The following ZFPM2 variants were observed in gnomAD, a reference collection of about 807,000 sequenced individuals.
ZFPM2 encodes the protein zinc finger protein, FOG family member 2.
Under a neutral mutation model 98.6 loss-of-function variants are expected in ZFPM2, and 20 were observed. The observed-to-expected ratio is 0.20, with a 90% CI of 0.14 to 0.29. The LOEUF (loss-of-function observed/expected upper bound fraction) is 0.29. Among genes scored for constraint, ZFPM2 ranks in the 10% least tolerant of loss-of-function variants. ZFPM2 has a pLI of 1.00. For missense variants in ZFPM2, 1,310 were observed against 1,388.6 expected, an observed-to-expected ratio of 0.94 and a Z score of 0.90; for synonymous variants, 518 against 502.7, an observed-to-expected ratio of 1.03 and a Z score of -0.41.
At chr8:105,788,320 A>G (rs1813483722) in intron 5 of ZFPM2, among the ~76,000 whole-genome samples, 1 of 152,212 alleles carries the variant, frequency 6.6e-6, no homozygotes, top group Admixed American at 6.5e-5. Context: ...CATAAAATAT[A>G]GAAAGAATAA....
At chr8:105,626,807 C>T (rs1439480763) in intron 4 of ZFPM2, among the ~76,000 whole-genome samples, 1 of 152,180 alleles carries the variant, frequency 6.6e-6, no homozygotes, top group Non-Finnish European at 1.5e-5. Context: ...GGAAGCCACA[C>T]ACCAAAAGCA....
chr8:105,585,402 C>A (rs1387804934), intron 4 of ZFPM2, among the ~76,000 whole-genome samples: 1 of 152,170 alleles, frequency 6.6e-6, no homozygotes, highest in Non-Finnish European at 1.5e-5. Flanking sequence ...TGAATCACTT[C>A]AACCTTGACT....
intron 1 of ZFPM2, among the ~76,000 whole-genome samples, chr8:105,322,523 G>A (rs1180375549): frequency 6.7e-6 from 1 of 150,334 alleles, no homozygotes; most frequent in East Asian, 2.0e-4. Flanking sequence ...TTGAAAAGGA[G>A]AAACTCAAGT....
chr8:105,620,072 A>G (rs1185501848), intron 4 of ZFPM2, among the ~76,000 whole-genome samples: 3 of 152,038 alleles, frequency 2.0e-5, no homozygotes, highest in East Asian at 1.9e-4. Flanking sequence ...GGGTCAAATG[A>G]TATTTCTAGT....
intron 5 of ZFPM2, among the ~76,000 whole-genome samples, chr8:105,665,291 T>C (rs112527163): frequency 2.0e-5 from 3 of 152,130 alleles, no homozygotes; most frequent in Admixed American, 2.0e-4. Context: ...CACTGTTGTA[T>C]TGAGAAATTA....
intron 3 of ZFPM2, among the ~76,000 whole-genome samples, chr8:105,534,081 A>C (rs1330514901): frequency 0.01 from 46 of 4,530 alleles, no homozygotes; most frequent in Middle Eastern, 0.062. Flanking sequence ...CCTCCCTCCC[A>C]TCTTCCTCCC....
At chr8:105,789,233 C>T (rs138397274) in intron 6 of ZFPM2, among the ~76,000 whole-genome samples, 7,786 of 152,100 alleles carry the variant, frequency 0.051, 294 homozygotes, top group East Asian at 0.12. Context: ...TATCCTTCCC[C>T]GCTCCCCCCA....
intron 5 of ZFPM2, among the ~76,000 whole-genome samples, chr8:105,771,974 G>A (rs763209078): frequency 2.0e-5 from 3 of 152,042 alleles, no homozygotes; most frequent in Non-Finnish European, 4.4e-5. Context: ...TAACTATATT[G>A]TGCATCTTCA....
At position 105,450,365 on chromosome 8, in the gene ZFPM2, G is replaced by T. The variant is rs190665312; in HGVS notation, c.301+5984G>T. ...CTGATTTCGTTTCCTTTTTGATTGG[G>T]AAAATGTGGTAGATATAAGATCTTG... On this transcript the variant is annotated intron_variant, in intron 3 of 7. Transcript: ENST00000407775. Among the ~76,000 whole-genome samples the T allele has an allele frequency of 3.3e-5, 5 of 152,168 alleles. No individual in the cohort carries two copies. In the East Asian group the frequency reaches 9.7e-4, roughly 29 times the overall value.
intron 1 of ZFPM2, among the ~76,000 whole-genome samples, chr8:105,402,012 T>G (rs771713526): frequency 6.6e-6 from 1 of 152,114 alleles, no homozygotes; most frequent in Non-Finnish European, 1.5e-5. Context: ...TCCTTATTTT[T>G]TGTTTCCTCA....
chr8:105,623,648 G>A lies in ZFPM2; in HGVS notation c.421-10598G>A, dbSNP rs146653214. ...TCATGAAAGATGGACACATCTTAGC[G>A]TCTGAAGATGACTTTGTGCAGGGTA... On this transcript the variant is annotated intron_variant, in intron 4 of 7. Coordinates refer to ENST00000407775, the MANE Select transcript of ZFPM2 (RefSeq NM_012082.4). Among the ~76,000 whole-genome samples the A allele has an allele frequency of 8.5e-3, 1,296 of 152,190 alleles. 17 individuals are homozygous for A. The highest frequency in any genetic ancestry group is 0.03 in the African/African-American group (1,227 of 41,532).
intron 4 of ZFPM2, among the ~76,000 whole-genome samples, chr8:105,570,622 T>G (rs746027196): frequency 7.9e-5 from 12 of 152,314 alleles, no homozygotes; most frequent in Non-Finnish European, 1.3e-4. Flanking sequence ...CTGATAATTT[T>G]TACTTGCCTC....
chr8:105,539,947 G>A (rs1814541327), intron 3 of ZFPM2, among the ~76,000 whole-genome samples: 1 of 152,122 alleles, frequency 6.6e-6, no homozygotes, highest in Non-Finnish European at 1.5e-5. Flanking sequence ...AATATATGCA[G>A]AGGTTATTAT....
intron 5 of ZFPM2, among the ~76,000 whole-genome samples, chr8:105,721,827 A>T (rs1314391151): frequency 6.6e-6 from 1 of 151,988 alleles, no homozygotes; most frequent in Non-Finnish European, 1.5e-5. Context: ...TTGCCATCTC[A>T]CATGAAATGA....
intron 5 of ZFPM2, among the ~76,000 whole-genome samples, chr8:105,701,788 C>T (rs1811147412): frequency 6.6e-6 from 1 of 152,156 alleles, no homozygotes; most frequent in South Asian, 2.1e-4. Context: ...CCTGAAACTA[C>T]AGTCATTTTT....
chr8:105,432,855 T>A (rs182832671), intron 2 of ZFPM2, among the ~76,000 whole-genome samples: 1 of 152,300 alleles, frequency 6.6e-6, no homozygotes, highest in Admixed American at 6.5e-5. Flanking sequence ...ATCCCAGCAC[T>A]TTGGGAGGCT....
intron 3 of ZFPM2, among the ~76,000 whole-genome samples, chr8:105,549,657 A>AG (rs1772405699): frequency 6.7e-6 from 1 of 148,892 alleles, no homozygotes; most frequent in Non-Finnish European, 1.5e-5. Flanking sequence ...TGTTTTCCAG[A>AG]GTGAAGGGCA....
intron 5 of ZFPM2, among the ~76,000 whole-genome samples, chr8:105,694,072 T>C (rs1251815741): frequency 1.3e-5 from 2 of 148,874 alleles, no homozygotes; most frequent in African/African-American, 5.0e-5. Context: ...CTGCAAGCTC[T>C]GCCTCTCGGG....
intron 1 of ZFPM2, among the ~76,000 whole-genome samples, chr8:105,344,116 C>T (rs575628725): frequency 6.6e-6 from 1 of 152,168 alleles, no homozygotes; most frequent in South Asian, 2.1e-4. Flanking sequence ...GAGAACAGTA[C>T]AGGAAAGACC....
Sources: allele counts gnomAD v4.1 joint callset (sites outside exome capture counted in the v4.1 genomes callset), GRCh38; gene constraint gnomAD v4.1.1; transcripts MANE v1.5; gene names NCBI Gene and HGNC (gene_info 2026-07-23, HGNC 2026-07-21).